Variants in PRX observed in about 807,000 individuals in gnomAD.
The protein encoded by PRX is periaxin.
In PRX, 24 loss-of-function variants were observed where a neutral mutation model predicts 29.6. The ratio of observed to expected loss-of-function variants is 0.81; its 90% CI spans 0.59 to 1.14. The LOEUF (loss-of-function observed/expected upper bound fraction) is 1.14. PRX is among the 50% of genes most tolerant of loss of function. PRX has a pLI of 0.00. For synonymous variants in PRX, 772 were observed against 831.7 expected, an observed-to-expected ratio of 0.93 and a Z score of 1.24; for missense variants, 1,838 against 1,926.4, an observed-to-expected ratio of 0.95 and a Z score of 0.86.
chr19:40,406,093 T>C (rs917541918), intron 4 of PRX, among the ~76,000 whole-genome samples: 39 of 151,432 alleles, frequency 2.6e-4, no homozygotes, highest in African/African-American at 9.4e-4. Context: ...CTAAAAGTCC[T>C]AAAATTAGCC....
rs367876251 is a variant in PRX, at chr19:40,394,803, G to C, written c.3549C>G (p.Tyr1183Ter). 6.2e-7 allele frequency: 1 copy of C among 1,613,548 alleles called. No individual in the cohort carries two copies. The highest frequency in any genetic ancestry group is 8.5e-7 in the Non-Finnish European group (1 of 1,180,018). The stretch of plus-strand genomic sequence containing the variant: ...GGGTCACCTGGGGCACCTGAACCCT[G>C]TAGCCTGCTGTGCCCTCTGCTGAAG... ...TVPSAEGTAG[Y>*]RVQVPQVTLS... The change falls in exon 7 of 7, where the codon TAC (tyrosine) becomes TAG (stop). Residue 1183 changes from tyrosine (Y) to a stop codon, truncating the protein, a stop_gained. Transcript: ENST00000324001. LOFTEE classifies it high-confidence loss of function. The surrounding 1 kb of genome is among the most constrained non-coding windows in gnomAD (Gnocchi z 5.8).
At chr19:40,399,889 T>TTC (rs1405040159) in intron 5 of PRX, among the ~76,000 whole-genome samples, 1 of 66,062 alleles carries the variant, frequency 1.5e-5, no homozygotes, top group Non-Finnish European at 3.0e-5. Context: ...CTTTCTTTCT[T>TTC]TCTTTCTTTC....
chr19:40,400,175 T>C (rs1170696948), intron 5 of PRX, among the ~76,000 whole-genome samples: 1 of 144,528 alleles, frequency 6.9e-6, no homozygotes, highest in Non-Finnish European at 1.5e-5. Flanking sequence ...AGAGACGGGG[T>C]TTCTCCATGT....
upstream of PRX, among the ~76,000 whole-genome samples, chr19:40,414,415 C>T (rs2079572166): frequency 6.6e-6 from 1 of 152,210 alleles, no homozygotes; most frequent in African/African-American, 2.4e-5. Flanking sequence ...TGAGCCACCG[C>T]GTCCAGCTAT....
chr19:40,394,146 G>T lies in PRX; in HGVS notation c.4206C>A (p.Pro1402=). The T allele has an allele frequency of 6.3e-7, 1 of 1,593,456 alleles. No homozygotes were observed. The highest frequency in any genetic ancestry group is 8.6e-7 in the Non-Finnish European group (1 of 1,167,036). Residue 1402 remains proline, a synonymous_variant, in exon 7 of 7, where the codon CCC becomes CCA. Transcript: ENST00000324001. This position sits in a 1 kb window ranked among gnomAD's most constrained non-coding sequence, Gnocchi z 5.8. Reference sequence around the variant, plus strand: ...GGAACTTGGGTGACTTCTCTCTGACGGGGGACTTGGGGGCTGCATCGCCCT... The same window carrying T: ...GGAACTTGGGTGACTTCTCTCTGACTGGGGACTTGGGGGCTGCATCGCCCT... The part of the protein sequence containing the change: ...GQEGDAAPKS[P]VREKSPKFRF...
rs1341347518 is a variant in PRX at position 40,395,109 on chromosome 19, G to A, written c.3243C>T (p.Ala1081=). 2 of 1,613,966 alleles carry A rather than the reference G, an allele frequency of 1.2e-6. No homozygotes were observed. The highest frequency in any genetic ancestry group is 1.7e-6 in the Non-Finnish European group (2 of 1,180,030). Residue 1081 remains alanine, a synonymous_variant, in exon 7 of 7, where the codon GCC becomes GCT. Coordinates refer to ENST00000324001, the MANE Select transcript of PRX (RefSeq NM_181882.3). ...TGGACTCAGCCTTTTCCCCCGGGCT[G>A]GCACGATCACCTTGAACTTCTGCTT... is the stretch of plus-strand genomic sequence containing the variant. ...GKEAEVQGDR[A]SPGEKAESTA...
rs866457043 is a variant in PRX at position 40,397,660 on chromosome 19, G to A, written c.692C>T (p.Ala231Val). 2 of 1,551,412 alleles carry A rather than the reference G, an allele frequency of 1.3e-6. No individual in the cohort carries two copies. Among genetic ancestry groups the A allele is most frequent in the African/African-American group, 2.7e-5 (2 of 73,932 alleles). ...AEVAAGARFT[A>V]PQVELVGPRL... The stretch of plus-strand genomic sequence containing the variant: ...CGGCCCAACCAGCTCCACCTGAGGG[G>A]CTGTGAAACGAGCTCCTGCAGCCAC... Residue 231 changes from alanine to valine, a missense_variant, in exon 7 of 7, where the codon GCC becomes GTC. Physicochemically the swap from Ala to Val is moderately conservative, Grantham distance 64. Transcript: ENST00000324001.
chr19:40,411,107 C>T (rs1458811393), intron 1 of PRX, among the ~76,000 whole-genome samples: 2 of 152,124 alleles, frequency 1.3e-5, no homozygotes, highest in Admixed American at 6.6e-5. Context: ...ACAGAGGGGT[C>T]ACCCAGCCAG....
chr19:40,399,905 T>TTCTTTCTTTCTTTCTTTCTTTC (rs1555801711), intron 5 of PRX, among the ~76,000 whole-genome samples: 1 of 73,970 alleles, frequency 1.4e-5, no homozygotes, highest in African/African-American at 6.5e-5. Flanking sequence ...CTTTCTTTCT[T>TTCTTTCTTTCTTTCTTTCTTTC]TTTCTTTCTT....
chr19:40,411,081 G>A (rs932704923), intron 1 of PRX, among the ~76,000 whole-genome samples: 4 of 152,164 alleles, frequency 2.6e-5, no homozygotes, highest in Non-Finnish European at 5.9e-5. Flanking sequence ...CTGTTATGGG[G>A]TGGAAACTGA....
rs1337127228 is a variant in PRX, at chr19:40,394,205, G to A, written c.4147C>T (p.Leu1383=). 5.6e-6 allele frequency: 9 copies of A among 1,596,304 alleles called. No homozygotes were observed. The highest frequency in any genetic ancestry group is 1.7e-5 in the Admixed American group (1 of 58,800). Reference sequence around the variant, plus strand: ...CGAGAGGCTTTAGAAGGGGCCGCCAGGCCTACACGTGGCAAGCGGACCCGG... The same window carrying A: ...CGAGAGGCTTTAGAAGGGGCCGCCAAGCCTACACGTGGCAAGCGGACCCGG... ...RVRVRLPRVG[L]AAPSKASRGQ... is the part of the protein sequence containing the mutation. The change falls in exon 7 of 7, where the codon CTG becomes TTG. Residue 1383 remains leucine, a synonymous_variant. Transcript: ENST00000324001. This position sits in a 1 kb window ranked among gnomAD's most constrained non-coding sequence, Gnocchi z 5.8.
At position 40,407,917 on chromosome 19, in the gene PRX, G is replaced by A. The variant is rs759056060; in HGVS notation, c.16C>T (p.Arg6Trp). The change falls in exon 4 of 7, where the codon CGG (arginine) becomes TGG (tryptophan). Residue 6 changes from arginine to tryptophan, a missense_variant. Transcript: ENST00000324001. ...ACGTGGGCACTCACCTCGGCACTCCGGCTCCTGGCCTCCATGGCGTTGCTG... is the reference window on the plus strand; with the variant it reads ...ACGTGGGCACTCACCTCGGCACTCCAGCTCCTGGCCTCCATGGCGTTGCTG... MEARS[R>W]SAEELRRAEL... The A allele has an allele frequency of 8.1e-6, 13 of 1,613,516 alleles. No individual in the cohort carries two copies. Among genetic ancestry groups the A allele is most frequent in the Admixed American group, 6.7e-5 (4 of 59,994 alleles).
chr19:40,405,804 A>G (rs2079527008), intron 4 of PRX, among the ~76,000 whole-genome samples: 1 of 151,308 alleles, frequency 6.6e-6, no homozygotes, highest in Non-Finnish European at 1.5e-5. Flanking sequence ...ACGCCCAGCT[A>G]ATTTTTGTAT....
chr19:40,408,819 GTGT>G (rs1568717601), intron 1 of PRX, among the ~76,000 whole-genome samples: 8 of 124,982 alleles, frequency 6.4e-5, no homozygotes, highest in Admixed American at 5.6e-4. Flanking sequence ...TGTTGGTGGT[GTGT>G]GTGTGTGTGT....
intron 5 of PRX, among the ~76,000 whole-genome samples, chr19:40,400,410 T>C (rs2079485995): frequency 6.9e-6 from 1 of 145,934 alleles, no homozygotes. Flanking sequence ...CTGACCAATA[T>C]GGAGAAACCC....
At chr19:40,408,060 G>T in intron 3 of PRX, 29 bp from the exon 4 acceptor site, 1 of 1,249,410 alleles carries the variant, frequency 8.0e-7, no homozygotes, top group Non-Finnish European at 1.1e-6. Context: ...GGAGGCTTGA[G>T]GCCAGTAGGG....
At position 40,398,187 on chromosome 19, in the gene PRX, G is replaced by T; in HGVS notation, c.382-217C>A. The T allele has an allele frequency of 7.0e-7, 1 of 1,423,594 alleles. No individual in the cohort carries two copies. The allele number at this position is 1,423,594 out of a possible 1,614,324, so 88.2% of individuals were successfully genotyped here. A position where few individuals can be genotyped will look rare whatever the true frequency, so the allele number is the denominator to read the frequency against. ...CTCCAAATGAGTCAACAGGAGTGTA[G>T]GGACGGGGACCCAAGACTTCTAGAT... On this transcript the variant is annotated intron_variant, in intron 6 of 6. Transcript: ENST00000324001. The surrounding 1 kb of genome is among the most constrained non-coding windows in gnomAD (Gnocchi z 6.3).
In PRX at chr19:40,394,666, CG is replaced by C; in HGVS notation, c.3685del (p.Arg1229GlufsTer15). 1 of 1,608,948 alleles carries C rather than the reference CG, an allele frequency of 6.2e-7. No homozygotes were observed. The highest frequency in any genetic ancestry group is 8.5e-7 in the Non-Finnish European group (1 of 1,179,930). On this transcript the variant is annotated frameshift_variant, in exon 7 of 7. Coordinates refer to ENST00000324001, the MANE Select transcript of PRX (RefSeq NM_181882.3). LOFTEE classifies it high-confidence loss of function. This position sits in a 1 kb window ranked among gnomAD's most constrained non-coding sequence, Gnocchi z 5.8. ...GGCCGCCTCGCCCGCCTGTGCCTCTCGGCTTAGCCCCACGTCCAGCTCAAGC... is the reference window on the plus strand; with the variant it reads ...GGCCGCCTCGCCCGCCTGTGCCTCTCGCTTAGCCCCACGTCCAGCTCAAGC... ...PQLELDVGLS[R>X]EAQAGEAATG...
At position 40,397,730 on chromosome 19, in the gene PRX, C is replaced by T. The variant is rs1280513414; in HGVS notation, c.622G>A (p.Ala208Thr). Residue 208 changes from alanine to threonine, a missense_variant, in exon 7 of 7, where the codon GCC becomes ACC. This residue lies in a region of PRX where 666 missense variants were observed against 665.0 expected (regional missense o/e 1.00). Transcript: ENST00000324001. The stretch of plus-strand genomic sequence containing the variant: ...TTCCTGGGGGGAGGAGCGGCGGCGG[C>T]CAGCCGGGCTGCCTGAGCCTCTTCG... ...VAEEAQAARL[A>T]AAAPPPRKAK... 2.6e-6 allele frequency: 4 copies of T among 1,560,836 alleles called. No homozygotes were observed. The highest frequency in any genetic ancestry group is 3.5e-6 in the Non-Finnish European group (4 of 1,155,926).
Sources: gnomAD v4.1 joint callset for allele counts (sites outside exome capture counted in the v4.1 genomes callset) on GRCh38, gnomAD v4.1.1 for gene constraint, gnomAD v4.1.1 regional missense constraint, Gnocchi (gnomAD v3.1) non-coding constraint, MANE v1.5 for transcripts, NCBI Gene and HGNC (gene_info 2026-07-23, HGNC 2026-07-21) for gene names.